RYR2: variants seen among roughly 807,000 people sequenced by gnomAD.
RYR2 encodes cardiac muscle ryanodine receptor-calcium release channel.
RYR2 carries 227 observed loss-of-function variants against 601.1 expected under a neutral mutation model. That is an observed-to-expected ratio of 0.38 (90% CI 0.34 to 0.42). RYR2 has a LOEUF of 0.42. RYR2 is among the 10% of genes least tolerant of loss of function. The probability of loss-of-function intolerance (pLI) is 1.00; values close to 1 mark genes in which losing one functional copy is unlikely to be tolerated. For synonymous variants in RYR2, 2,223 were observed against 2,175.1 expected, an observed-to-expected ratio of 1.02 and a Z score of -0.61; for missense variants, 4,646 against 6,156.5, an observed-to-expected ratio of 0.75 and a Z score of 8.21.
At chr1:237,798,776 TCACACACACACA>T (rs72164792) in intron 97 of RYR2, among the ~76,000 whole-genome samples, 13 of 135,210 alleles carry the variant, frequency 9.6e-5, no homozygotes, top group African/African-American at 2.1e-4. Context: ...AATTTAAATG[TCACACACACACA>T]CACACACACA....
At chr1:237,182,103 GTTTATTTATTTA>G (rs71698093) in intron 1 of RYR2, among the ~76,000 whole-genome samples, 22 of 148,664 alleles carry the variant, frequency 1.5e-4, no homozygotes, top group Non-Finnish European at 1.6e-4. Context: ...ACTCCCTGGG[GTTTATTTATTTA>G]TTTATTTATT....
At chr1:237,287,359 A>G (rs1009355915) in intron 2 of RYR2, among the ~76,000 whole-genome samples, 3 of 152,214 alleles carry the variant, frequency 2.0e-5, no homozygotes, top group African/African-American at 2.4e-5. Context: ...CTACGTCTCT[A>G]GCAAGGCCAG....
chr1:237,107,745 G>C (rs1668899429), intron 1 of RYR2, among the ~76,000 whole-genome samples: 1 of 152,070 alleles, frequency 6.6e-6, no homozygotes, highest in Non-Finnish European at 1.5e-5. Flanking sequence ...CACTTGAGGT[G>C]GAAGATGCTT....
chr1:237,746,389 C>T, intron 80 of RYR2, among the ~76,000 whole-genome samples: 1 of 151,840 alleles, frequency 6.6e-6, no homozygotes, highest in East Asian at 1.9e-4. Context: ...GTAAAATATT[C>T]CATAAAGTCA....
At chr1:237,281,807 TTGA>T (rs1247376167) in intron 2 of RYR2, among the ~76,000 whole-genome samples, 1 of 152,206 alleles carries the variant, frequency 6.6e-6, no homozygotes, top group Non-Finnish European at 1.5e-5. Context: ...GATTGTGGTT[TTGA>T]TGATGGTGTA....
At chr1:237,104,899 G>A (rs1253211205) in intron 1 of RYR2, among the ~76,000 whole-genome samples, 1 of 152,180 alleles carries the variant, frequency 6.6e-6, no homozygotes, top group Non-Finnish European at 1.5e-5. Flanking sequence ...TGTGCCTGGT[G>A]CTTAATGGCT....
chr1:237,593,379 A>T, intron 32 of RYR2, 97 bp from the exon 33 acceptor site: 3 of 1,212,400 alleles, frequency 2.5e-6, no homozygotes, highest in Non-Finnish European at 2.2e-6. Flanking sequence ...GTGAATTCTT[A>T]AGTCATTCAC....
intron 1 of RYR2, among the ~76,000 whole-genome samples, chr1:237,136,716 TA>T: frequency 6.6e-6 from 1 of 152,144 alleles, no homozygotes; most frequent in African/African-American, 2.4e-5. Flanking sequence ...GGTTGGTGGT[TA>T]AAAAAGATGC....
At chr1:237,395,386 C>T (rs1261599915) in intron 10 of RYR2, among the ~76,000 whole-genome samples, 1 of 152,116 alleles carries the variant, frequency 6.6e-6, no homozygotes. Flanking sequence ...TATTCAATAT[C>T]AACTCTAAAT....
At chr1:237,791,982 C>T (rs1658429717) in intron 93 of RYR2, 123 bp from the exon 94 acceptor site, 2 of 688,390 alleles carry the variant, frequency 2.9e-6, no homozygotes, top group East Asian at 2.7e-5. Flanking sequence ...GCTATTAGTC[C>T]TTTCATTATG....
At chr1:237,738,282 A>T (rs1202992662) in intron 79 of RYR2, among the ~76,000 whole-genome samples, 1 of 152,090 alleles carries the variant, frequency 6.6e-6, no homozygotes, top group East Asian at 1.9e-4. Flanking sequence ...GTTAATGATA[A>T]CTCTGAATTC....
intron 19 of RYR2, among the ~76,000 whole-genome samples, chr1:237,494,159 A>C (rs1472243438): frequency 1.3e-5 from 2 of 152,142 alleles, no homozygotes; most frequent in Non-Finnish European, 2.9e-5. Flanking sequence ...ATTGACTCAC[A>C]TGATCACCAG....
At chr1:237,413,128 A>C (rs949276829) in intron 10 of RYR2, among the ~76,000 whole-genome samples, 1 of 152,212 alleles carries the variant, frequency 6.6e-6, no homozygotes, top group Non-Finnish European at 1.5e-5. Flanking sequence ...AGACTTGATT[A>C]GACAACCATT....
intron 12 of RYR2, among the ~76,000 whole-genome samples, chr1:237,440,214 C>A (rs2150141602): frequency 6.6e-6 from 1 of 152,100 alleles, no homozygotes; most frequent in Non-Finnish European, 1.5e-5. Flanking sequence ...ATCTGTTAAA[C>A]CTTGGGGTTA....
chr1:237,281,357 G>A (rs926007901), intron 2 of RYR2, among the ~76,000 whole-genome samples: 4 of 152,088 alleles, frequency 2.6e-5, no homozygotes, highest in Non-Finnish European at 5.9e-5. Flanking sequence ...TGTAGTCATA[G>A]GTGAGCTCCT....
At chr1:237,608,419 G>C (rs1296037538) in intron 35 of RYR2, among the ~76,000 whole-genome samples, 1 of 152,150 alleles carries the variant, frequency 6.6e-6, no homozygotes, top group African/African-American at 2.4e-5. Flanking sequence ...CAATGGGAGA[G>C]GGGCTGGTCT....
intron 79 of RYR2, among the ~76,000 whole-genome samples, chr1:237,740,655 G>GAA (rs1444694495): frequency 6.6e-6 from 1 of 152,042 alleles, no homozygotes; most frequent in South Asian, 2.1e-4. Context: ...AATTTTTATA[G>GAA]AAGACTATGT....
chr1:237,798,451 G>A (rs920224114), intron 97 of RYR2, among the ~76,000 whole-genome samples: 2 of 151,998 alleles, frequency 1.3e-5, no homozygotes, highest in Admixed American at 1.3e-4. Flanking sequence ...GTCTTTAAAT[G>A]ATCCTTAAAT....
intron 25 of RYR2, among the ~76,000 whole-genome samples, chr1:237,542,950 C>A (rs762520501): frequency 6.6e-6 from 1 of 152,320 alleles, no homozygotes; most frequent in East Asian, 1.9e-4. Context: ...TCCTCTGACT[C>A]TCCCCTCCTG....
Sources: allele counts gnomAD v4.1 joint callset (sites outside exome capture counted in the v4.1 genomes callset), GRCh38; gene constraint gnomAD v4.1.1; transcripts MANE v1.5; gene names NCBI Gene and HGNC (gene_info 2026-07-23, HGNC 2026-07-21).